The following FAM110B variants were observed in gnomAD, a reference collection of about 807,000 sequenced individuals.
FAM110B encodes the protein protein FAM110B.
In FAM110B, 6 loss-of-function variants were observed where a neutral mutation model predicts 20.4. The observed-to-expected ratio is 0.29, with a 90% CI of 0.16 to 0.58. FAM110B has a LOEUF of 0.58. FAM110B is among the 20% of genes least tolerant of loss of function. The pLI, the probability that FAM110B is intolerant of heterozygous loss-of-function variation, is 0.90. For synonymous variants in FAM110B, 226 were observed against 214.1 expected (o/e 1.06, Z -0.49); for missense variants, 434 against 498.2 (o/e 0.87, Z 1.23).
intron 2 of FAM110B, among the ~76,000 whole-genome samples, chr8:58,074,163 G>A (rs763523433): frequency 9.2e-5 from 14 of 152,206 alleles, no homozygotes; most frequent in Admixed American, 5.2e-4. Context: ...CTGACCCAGC[G>A]GACCTCCAGG....
At chr8:58,106,453 C>A (rs1806920871) in intron 3 of FAM110B, among the ~76,000 whole-genome samples, 1 of 151,982 alleles carries the variant, frequency 6.6e-6, no homozygotes, top group Non-Finnish European at 1.5e-5. Flanking sequence ...GGAAACACAG[C>A]AGGGCAATGA....
At chr8:58,092,756 A>G (rs1806514059) in intron 3 of FAM110B, among the ~76,000 whole-genome samples, 1 of 152,238 alleles carries the variant, frequency 6.6e-6, no homozygotes, top group South Asian at 2.1e-4. Context: ...TTTTGGGTAT[A>G]CACCCAGTAA....
intron 3 of FAM110B, among the ~76,000 whole-genome samples, chr8:58,104,699 G>A (rs1225925719): frequency 1.3e-5 from 2 of 152,090 alleles, no homozygotes; most frequent in African/African-American, 4.8e-5. Flanking sequence ...TTCTTTAAAT[G>A]TTTGAAATCG....
intron 1 of FAM110B, among the ~76,000 whole-genome samples, chr8:58,001,310 A>G: frequency 6.6e-6 from 1 of 152,048 alleles, no homozygotes; most frequent in East Asian, 1.9e-4. Context: ...TTGGAAATTG[A>G]CTTCAAATGA....
At chr8:58,030,133 A>G (rs1231946171) in intron 1 of FAM110B, among the ~76,000 whole-genome samples, 4 of 152,242 alleles carry the variant, frequency 2.6e-5, no homozygotes, top group East Asian at 1.9e-4. Context: ...TTTTAAATCA[A>G]TATTTCTCTA....
chr8:58,058,836 T>A (rs1345863472), intron 2 of FAM110B, among the ~76,000 whole-genome samples: 1 of 152,180 alleles, frequency 6.6e-6, no homozygotes, highest in Non-Finnish European at 1.5e-5. Flanking sequence ...GAGGTAAAAT[T>A]TGTCAATCTT....
intron 1 of FAM110B, among the ~76,000 whole-genome samples, chr8:58,012,816 G>C (rs1804565640): frequency 6.6e-6 from 1 of 152,238 alleles, no homozygotes; most frequent in South Asian, 2.1e-4. Flanking sequence ...TGTTTGGGGA[G>C]TGGAGGAGTG....
chr8:58,059,820 A>C (rs1308479433), intron 2 of FAM110B, among the ~76,000 whole-genome samples: 1 of 152,014 alleles, frequency 6.6e-6, no homozygotes, highest in South Asian at 2.1e-4. Flanking sequence ...TACCTACTTT[A>C]AGTTTGCAAA....
chr8:58,071,899 C>T (rs78650108), intron 2 of FAM110B, among the ~76,000 whole-genome samples: 5,750 of 152,246 alleles, frequency 0.038, 320 homozygotes, highest in African/African-American at 0.12. Context: ...TTCCTTGATA[C>T]AAACCACGCC....
chr8:58,009,330 C>G (rs1361612516), intron 1 of FAM110B, among the ~76,000 whole-genome samples: 1 of 152,142 alleles, frequency 6.6e-6, no homozygotes, highest in Non-Finnish European at 1.5e-5. Flanking sequence ...GCACTGGGAT[C>G]GAGGTAAATG....
chr8:58,112,817 A>C (rs1807096379), intron 3 of FAM110B, among the ~76,000 whole-genome samples: 1 of 152,222 alleles, frequency 6.6e-6, no homozygotes, highest in South Asian at 2.1e-4. Flanking sequence ...GTCTTAGTCC[A>C]CTTAAGGACT....
At chr8:58,138,148 T>C (rs1403045499) in intron 3 of FAM110B, among the ~76,000 whole-genome samples, 2 of 152,164 alleles carry the variant, frequency 1.3e-5, no homozygotes, top group Admixed American at 1.3e-4. Context: ...GCTCTTGCAG[T>C]GGGAATCAAT....
At chr8:58,145,483 C>CG (rs971416152) in intron 3 of FAM110B, among the ~76,000 whole-genome samples, 11 of 152,180 alleles carry the variant, frequency 7.2e-5, no homozygotes, top group South Asian at 2.1e-4. Flanking sequence ...ACGTTGCAAC[C>CG]GGGGGGCATG....
intron 1 of FAM110B, among the ~76,000 whole-genome samples, chr8:58,030,750 G>A (rs1804947517): frequency 1.3e-5 from 2 of 152,160 alleles, no homozygotes; most frequent in African/African-American, 4.8e-5. Flanking sequence ...CAGTCATTTG[G>A]ACTGATGGTA....
intron 2 of FAM110B, among the ~76,000 whole-genome samples, chr8:58,057,582 T>C (rs1805572793): frequency 3.3e-5 from 5 of 152,218 alleles, no homozygotes. Context: ...CTCCACCCTT[T>C]TCTCTGTCAC....
chr8:58,143,313 G>GT (rs940406734), intron 3 of FAM110B, among the ~76,000 whole-genome samples: 1 of 151,902 alleles, frequency 6.6e-6, no homozygotes, highest in Non-Finnish European at 1.5e-5. Context: ...AGATGAAGTT[G>GT]TTTTTTTTCC....
In FAM110B at chr8:58,146,449, G is replaced by A. The variant is rs1423331806; in HGVS notation, c.219G>A (p.Glu73=). ...AGGAGGTGATCAACGCCAAGCAGGA[G>A]CCCGTGAAGCCCGCCGTGCTGGCCA... ...KSQEVINAKQ[E]PVKPAVLAKP... The change falls in exon 4 of 4, where the codon GAG becomes GAA. Residue 73 remains glutamate, a synonymous_variant. Transcript: ENST00000519262. 1 of 1,613,512 alleles carries A rather than the reference G, an allele frequency of 6.2e-7. No homozygotes were observed. Among genetic ancestry groups the A allele is most frequent in the African/African-American group, 1.3e-5 (1 of 75,062 alleles).
intron 3 of FAM110B, among the ~76,000 whole-genome samples, chr8:58,138,122 A>C (rs750938098): frequency 6.6e-6 from 1 of 152,340 alleles, no homozygotes; most frequent in Non-Finnish European, 1.5e-5. Flanking sequence ...CGGAAGTGAC[A>C]AGGTTTCTCT....
intron 1 of FAM110B, among the ~76,000 whole-genome samples, chr8:58,011,986 C>T (rs1416722232): frequency 6.6e-6 from 1 of 152,224 alleles, no homozygotes; most frequent in African/African-American, 2.4e-5. Context: ...GAGATGGCCA[C>T]ACGACATCTC....
Sources: gnomAD v4.1 joint callset for allele counts (sites outside exome capture counted in the v4.1 genomes callset) on GRCh38, gnomAD v4.1.1 for gene constraint, MANE v1.5 for transcripts, NCBI Gene and HGNC (gene_info 2026-07-23, HGNC 2026-07-21) for gene names.